The following APAF1 variants were observed in gnomAD, a reference collection of about 807,000 sequenced individuals.
The protein encoded by APAF1 is apoptotic protease-activating factor 1.
Under a neutral mutation model 152.4 loss-of-function variants are expected in APAF1, and 91 were observed. The observed-to-expected ratio is 0.60, with a 90% confidence interval of 0.50 to 0.71. The LOEUF (loss-of-function observed/expected upper bound fraction) is 0.71, where lower values mean the gene tolerates loss of function less well. Among genes scored for constraint, APAF1 ranks in the 30% least tolerant of loss-of-function variants. APAF1 has a pLI of 0.00. For synonymous variants in APAF1, 484 were observed against 494.1 expected (o/e 0.98, Z 0.27); for missense variants, 1,283 against 1,472.0 (o/e 0.87, Z 2.10).
intron 5 of APAF1, among the ~76,000 whole-genome samples, chr12:98,660,018 A>G (rs2097663006): frequency 6.6e-6 from 1 of 152,064 alleles, no homozygotes; most frequent in South Asian, 2.1e-4. Flanking sequence ...GGGTTAACAT[A>G]GAACAACAGA....
chr12:98,696,289 AAG>A (rs1343875987), intron 16 of APAF1, among the ~76,000 whole-genome samples: 2 of 152,122 alleles, frequency 1.3e-5, no homozygotes, highest in African/African-American at 2.4e-5. Flanking sequence ...GGCGTGTGCA[AAG>A]AGATCATATG....
At chr12:98,723,444 T>G (rs1410078430) in intron 23 of APAF1, 132 bp downstream of exon 23, 18 of 1,103,676 alleles carry the variant, frequency 1.6e-5, no homozygotes. Context: ...GCTTGTTTTC[T>G]GTTAATTGCA....
chr12:98,678,422 T>C (rs1379376391), intron 13 of APAF1, among the ~76,000 whole-genome samples: 4 of 152,324 alleles, frequency 2.6e-5, no homozygotes, highest in East Asian at 1.9e-4. Context: ...CCCTTCTGAA[T>C]TGGGGCAGGA....
At chr12:98,674,451 C>G (rs2097684345) in intron 12 of APAF1, among the ~76,000 whole-genome samples, 2 of 152,236 alleles carry the variant, frequency 1.3e-5, no homozygotes, top group African/African-American at 2.4e-5. Flanking sequence ...CTCTCTCTCT[C>G]TCTCTCTCTC....
Position 98,712,395 on chromosome 12 carries a change from T to C in APAF1, c.2918T>C (p.Leu973Pro). 1 of 1,612,418 alleles carries C rather than the reference T, an allele frequency of 6.2e-7. No homozygotes were observed. The highest frequency in any genetic ancestry group is 8.5e-7 in the Non-Finnish European group (1 of 1,178,488). The change falls in exon 21 of 27, where the codon CTT (leucine) becomes CCT (proline). Residue 973 changes from leucine (L) to proline (P), a missense_variant. Transcript: ENST00000551964. ...AGCTGCTGTTGCTTAAGTCCACATC[T>C]TCAGTACATTGCATTTGGAGATGAA... Reference protein sequence around the residue: ...QVSCCCLSPHLQYIAFGDENG... With the variant: ...QVSCCCLSPHPQYIAFGDENG...
At chr12:98,654,781 TTTTG>T (rs1364105542) in intron 4 of APAF1, among the ~76,000 whole-genome samples, 1 of 151,876 alleles carries the variant, frequency 6.6e-6, no homozygotes, top group Non-Finnish European at 1.5e-5. Context: ...ATTTGTCTGT[TTTTG>T]TTTGTTTAAA....
intron 1 of APAF1, 97 bp from the exon 2 acceptor site, chr12:98,648,222 C>G (rs1565850579): frequency 8.2e-7 from 1 of 1,223,396 alleles, no homozygotes; most frequent in Non-Finnish European, 1.2e-6. Flanking sequence ...GAAAAAAAAT[C>G]AGTTTTGTTC....
At chr12:98,689,459 AGAGAGT>A (rs1305563595) in intron 16 of APAF1, among the ~76,000 whole-genome samples, 4 of 133,864 alleles carry the variant, frequency 3.0e-5, no homozygotes, top group Non-Finnish European at 4.9e-5. Flanking sequence ...AGAGAGAGAG[AGAGAGT>A]GTGTGTGTCT....
At chr12:98,717,369 T>C (rs931715080) in intron 22 of APAF1, among the ~76,000 whole-genome samples, 24 of 151,212 alleles carry the variant, frequency 1.6e-4, no homozygotes, top group African/African-American at 1.9e-4. Flanking sequence ...CACACACACA[T>C]ATAATTTTTT....
intron 12 of APAF1, among the ~76,000 whole-genome samples, chr12:98,676,650 GT>G (rs34774971): frequency 5.5e-5 from 8 of 145,852 alleles, no homozygotes; most frequent in Non-Finnish European, 9.0e-5. Context: ...GAGAGAAGCA[GT>G]TTTTTTTTTT....
intron 4 of APAF1, among the ~76,000 whole-genome samples, chr12:98,657,406 G>C (rs117974213): frequency 0.019 from 2,962 of 152,264 alleles, 38 homozygotes; most frequent in Non-Finnish European, 0.031. Flanking sequence ...CTGGGAAGTG[G>C]AATAGGTATT....
rs560369987 is a variant in APAF1, at chr12:98,692,625, T to C, written c.2304+5752T>C. On this transcript the variant is annotated intron_variant, in intron 16 of 26. Coordinates refer to ENST00000551964, the MANE Select transcript of APAF1 (RefSeq NM_181861.2). ...GTGTACCCAATGTTTAGCTCTGGCT[T>C]ATAAGTGAGAACTTGTGGTATTTGG... Among the ~76,000 whole-genome samples the C allele has an allele frequency of 2.0e-5, 3 of 152,308 alleles. No homozygotes were observed. In the South Asian group the frequency reaches 6.2e-4, roughly 32 times the overall value.
rs2097718025 is a variant in APAF1 at position 98,703,495 on chromosome 12, T to C, written c.2591T>C (p.Val864Ala). ...LAVVALSQYC[V>A]ELWNTDSRSK... ...GTGGTTGCTTTGTCCCAGTACTGTGTAGAGGTGAGTAGTTGAATTTATTCT... is the reference window on the plus strand; with the variant it reads ...GTGGTTGCTTTGTCCCAGTACTGTGCAGAGGTGAGTAGTTGAATTTATTCT... The change falls in exon 18 of 27, where the codon GTA becomes GCA. Residue 864 changes from valine (V) to alanine (A), a missense_variant. Coordinates refer to ENST00000551964, the MANE Select transcript of APAF1 (RefSeq NM_181861.2). 6.2e-7 allele frequency: 1 copy of C among 1,614,124 alleles called. No homozygotes were observed. Among genetic ancestry groups the C allele is most frequent in the Non-Finnish European group, 8.5e-7 (1 of 1,179,982 alleles).
At position 98,673,442 on chromosome 12, in the gene APAF1, C is replaced by CAA. The variant is rs1162049645; in HGVS notation, c.1793+1736_1793+1737dup. Among the ~76,000 whole-genome samples, 782 of 89,126 alleles carry CAA rather than the reference C, an allele frequency of 8.8e-3. 17 individuals carry two copies. The highest frequency in any genetic ancestry group is 0.028 in the African/African-American group (658 of 23,708). The allele number at this position is 89,126 out of a possible 152,430, so 58.5% of individuals were successfully genotyped here. The stretch of plus-strand genomic sequence containing the variant: ...CAAAGTGAAGCTCTGTCTCAAAAAA[C>CAA]AAAAAAAAAAAAAACAAAAAAAAAA... On this transcript the variant is annotated intron_variant, in intron 12 of 26. Coordinates refer to ENST00000551964, the MANE Select transcript of APAF1 (RefSeq NM_181861.2).
chr12:98,696,023 T>C (rs962279322), intron 16 of APAF1, among the ~76,000 whole-genome samples: 3 of 152,220 alleles, frequency 2.0e-5, no homozygotes, highest in Non-Finnish European at 4.4e-5. Context: ...TCTTTCTCCA[T>C]TTTCCTTCGC....
intron 10 of APAF1, among the ~76,000 whole-genome samples, chr12:98,668,549 C>T (rs1399309852): frequency 6.6e-6 from 1 of 151,606 alleles, no homozygotes; most frequent in Non-Finnish European, 1.5e-5. Flanking sequence ...GTTAAGTGCT[C>T]AGAAGAAGGA....
chr12:98,702,414 A>G (rs1052241524), intron 17 of APAF1, among the ~76,000 whole-genome samples: 15 of 152,110 alleles, frequency 9.9e-5, no homozygotes, highest in African/African-American at 3.6e-4. Flanking sequence ...TTTCTTTCTA[A>G]GGTCTATGTC....
rs565689665 is a variant in APAF1 at position 98,687,673 on chromosome 12, G to A, written c.2304+800G>A. 6.9e-4 allele frequency among the ~76,000 whole-genome samples: 105 copies of A among 152,150 alleles called. 1 individual carries two copies. The highest frequency in any genetic ancestry group is 2.0e-3 in the African/African-American group (82 of 41,502). On this transcript the variant is annotated intron_variant, in intron 16 of 26. Transcript: ENST00000551964. ...GCATTAATCCATTCATGAGGGTAGCGCCCTCATGACCTAATCACTTTTGAA... is the reference window on the plus strand; with the variant it reads ...GCATTAATCCATTCATGAGGGTAGCACCCTCATGACCTAATCACTTTTGAA...
At chr12:98,712,235 A>T in intron 20 of APAF1, 84 bp from the exon 21 acceptor site, 5 of 797,094 alleles carry the variant, frequency 6.3e-6, no homozygotes, top group Non-Finnish European at 1.1e-5. Context: ...GTTTTATTTT[A>T]TTTTTTTCAA....
Sources: allele counts gnomAD v4.1 joint callset (sites outside exome capture counted in the v4.1 genomes callset), GRCh38; gene constraint gnomAD v4.1.1; transcripts MANE v1.5; gene names NCBI Gene and HGNC (gene_info 2026-07-23, HGNC 2026-07-21).